TJP2: variants seen among roughly 807,000 people sequenced by gnomAD.
TJP2 encodes the protein tight junction protein 2.
A neutral mutation model predicts 133.1 loss-of-function variants in TJP2; 91 were observed. That is an observed-to-expected ratio of 0.68 (90% CI 0.58 to 0.81). The LOEUF is 0.81. Among genes scored for constraint, TJP2 ranks in the 40% least tolerant of loss-of-function variants. The pLI is 0.00. For missense variants in TJP2, 1,541 were observed against 1,565.6 expected (o/e 0.98, Z 0.26); for synonymous variants, 592 against 583.4 (o/e 1.01, Z -0.21).
rs78327988 is a variant in TJP2, at chr9:69,252,922, C to G, written c.3407+22C>G. ...CGAGGTAAGGGCTGCCTAGTGGGTA[C>G]AGGTCTAAGGCGGGGACTTCTCAAG... is the stretch of plus-strand genomic sequence containing the variant. On this transcript the variant is annotated intron_variant, in intron 22 of 22. Transcript: ENST00000377245. 6.5e-4 allele frequency: 1,040 copies of G among 1,611,634 alleles called. 6 individuals carry two copies. The African/African-American group carries it at 0.012, about 19-fold the overall frequency.
upstream of TJP2, among the ~76,000 whole-genome samples, chr9:69,169,748 T>TAC (rs555328775): frequency 2.9e-3 from 436 of 152,134 alleles, 2 homozygotes; most frequent in African/African-American, 9.9e-3. Flanking sequence ...TATATATATA[T>TAC]ACACACACAC....
intron 4 of TJP2, among the ~76,000 whole-genome samples, chr9:69,220,363 A>G (rs1383978231): frequency 1.3e-5 from 2 of 152,200 alleles, no homozygotes; most frequent in African/African-American, 2.4e-5. Flanking sequence ...ACCTTAAATA[A>G]TTGTCTTTTC....
At chr9:69,121,332 G>C (rs1822128444), upstream of TJP2, 1 of 984,990 alleles carries the variant, frequency 1.0e-6, no homozygotes, top group Non-Finnish European at 1.2e-6. Flanking sequence ...CCCGGGGCTC[G>C]CGCGCCCAGA....
chr9:69,212,735 A>G, intron 2 of TJP2, 134 bp downstream of exon 2: 1 of 697,204 alleles, frequency 1.4e-6, no homozygotes, highest in Non-Finnish European at 2.6e-6. Flanking sequence ...ATAGATACTA[A>G]CTGGCAATAA....
intron 17 of TJP2, among the ~76,000 whole-genome samples, chr9:69,242,447 TA>T (rs1414074078): frequency 6.6e-6 from 1 of 152,234 alleles, no homozygotes; most frequent in East Asian, 1.9e-4. Context: ...ATTTCTTGCC[TA>T]AACTCATCAG....
intron 1 of TJP2, among the ~76,000 whole-genome samples, chr9:69,206,073 GTTTT>G (rs1258003582): frequency 6.6e-6 from 1 of 152,016 alleles, no homozygotes; most frequent in Non-Finnish European, 1.5e-5. Context: ...AATGCATTAA[GTTTT>G]TTGTTTATGG....
rs145927395 is a variant in TJP2 at position 69,123,646 on chromosome 9, T to C, written c.-131+1921T>C. Among the ~76,000 whole-genome samples, 98 of 76,514 alleles carry C rather than the reference T, an allele frequency of 1.3e-3. 30 individuals are homozygous for C. The highest frequency in any genetic ancestry group is 3.8e-3 in the African/African-American group (96 of 25,146). 50.2% of individuals were successfully genotyped at this position (76,514 alleles called of 152,430 possible). Reference sequence around the variant, plus strand: ...ACAAAAGCACTATAGCTCAAGGTTCTTAGAGTGCACGTACTTTCTTTAATA... The same window carrying C: ...ACAAAAGCACTATAGCTCAAGGTTCCTAGAGTGCACGTACTTTCTTTAATA... On this transcript the variant is annotated intron_variant, in intron 1 of 5. Transcript: ENST00000423935.
chr9:69,185,163 G>T (rs1487003715), intron 1 of TJP2, among the ~76,000 whole-genome samples: 1 of 151,268 alleles, frequency 6.6e-6, no homozygotes, highest in African/African-American at 2.4e-5. Context: ...CCGGATTCAA[G>T]CAATTCTCCT....
intron 1 of TJP2, among the ~76,000 whole-genome samples, chr9:69,144,369 C>T (rs899664436): frequency 2.0e-5 from 3 of 152,166 alleles, no homozygotes; most frequent in Non-Finnish European, 4.4e-5. Context: ...GTTTGGGACA[C>T]TCACTTTGGA....
chr9:69,121,471 A>C, exon 1 of TJP2: 3 of 454,194 alleles, frequency 6.6e-6, no homozygotes, highest in Non-Finnish European at 5.8e-6. Context: ...CCTTCTCTCA[A>C]ACCTCTAAAC....
chr9:69,168,331 C>G (rs977831773), intron 2 of TJP2, among the ~76,000 whole-genome samples: 8 of 152,066 alleles, frequency 5.3e-5, no homozygotes, highest in Non-Finnish European at 1.2e-4. Context: ...CATCTCAATT[C>G]ACAGGTCTAT....
chr9:69,164,687 A>G (rs1350306834), intron 2 of TJP2, among the ~76,000 whole-genome samples: 4 of 152,188 alleles, frequency 2.6e-5, no homozygotes, highest in African/African-American at 9.7e-5. Flanking sequence ...CATTCTGTTA[A>G]AAGAAGCTAA....
intron 20 of TJP2, among the ~76,000 whole-genome samples, chr9:69,250,588 C>T (rs750859209): frequency 1.3e-5 from 2 of 152,292 alleles, no homozygotes; most frequent in South Asian, 2.1e-4. Flanking sequence ...GTGCTCTCCT[C>T]GCTCCCCACC....
At chr9:69,185,063 C>CTTTTTT (rs10699607) in intron 1 of TJP2, among the ~76,000 whole-genome samples, 1 of 132,504 alleles carries the variant, frequency 7.5e-6, no homozygotes, top group African/African-American at 2.8e-5. Context: ...AGACTGATTT[C>CTTTTTT]TTTTTTTTTT....
intron 1 of TJP2, among the ~76,000 whole-genome samples, chr9:69,198,286 C>T (rs1453660145): frequency 1.3e-5 from 2 of 152,048 alleles, no homozygotes; most frequent in African/African-American, 2.4e-5. Context: ...GGACTACAGG[C>T]ATGTGCCACT....
rs1320323184 is a variant in TJP2, at chr9:69,216,307, G to A, written c.115-32G>A. The A allele has an allele frequency of 4.3e-6, 7 of 1,613,808 alleles. No homozygotes were observed. The East Asian group carries it at 1.6e-4, about 36-fold the overall frequency. ...AAATCCTGAAAGCCACTTATTGAAG[G>A]ATTTTTAATATTTCTCCTCTCTGAT... On this transcript the variant is annotated intron_variant, in intron 2 of 22. Coordinates refer to ENST00000377245, the MANE Select transcript of TJP2 (RefSeq NM_004817.4).
chr9:69,173,990 C>T (rs963352326), upstream of TJP2: 1 of 985,182 alleles, frequency 1.0e-6, no homozygotes, highest in African/African-American at 1.7e-5. Flanking sequence ...GGCTGCGGGC[C>T]GCTCGGGCCT....
chr9:69,211,122 A>G (rs7873004), intron 1 of TJP2, among the ~76,000 whole-genome samples: 62,946 of 152,046 alleles, frequency 0.41, 13,605 homozygotes, highest in African/African-American at 0.52. Context: ...GGTGGATCAC[A>G]AGGTCAGGAG....
In TJP2 at chr9:69,206,786, T is replaced by C. The variant is rs969881741; in HGVS notation, c.61-5762T>C. Among the ~76,000 whole-genome samples, 8 of 146,974 alleles carry C rather than the reference T, an allele frequency of 5.4e-5. No homozygotes were observed. In the South Asian group the frequency reaches 1.5e-3, roughly 27 times the overall value. ...TAGAGATGGGGTTTAACCATGTTAG[T>C]CAGTATGGTCTTGATCTCCTGACCT... On this transcript the variant is annotated intron_variant, in intron 1 of 22. Transcript: ENST00000377245.
Sources: allele counts gnomAD v4.1 joint callset (sites outside exome capture counted in the v4.1 genomes callset), GRCh38; gene constraint gnomAD v4.1.1; transcripts MANE v1.5; gene names NCBI Gene and HGNC (gene_info 2026-07-23, HGNC 2026-07-21).